The following CWC27 variants were observed in gnomAD, a reference collection of about 807,000 sequenced individuals.
The protein encoded by CWC27 is spliceosome-associated protein CWC27 homolog.
CWC27 carries 47 observed loss-of-function variants against 63.6 expected under a neutral mutation model. The ratio of observed to expected loss-of-function variants is 0.74; its 90% CI spans 0.58 to 0.94. The LOEUF is 0.94. Ranked by LOEUF, CWC27 falls within the 40% of genes least tolerant of loss-of-function variation. The pLI, the probability that CWC27 is intolerant of heterozygous loss-of-function variation, is 0.00. For missense variants in CWC27, 495 were observed against 554.3 expected (o/e 0.89, Z 1.07); for synonymous variants, 175 against 179.8 (o/e 0.97, Z 0.22).
At chr5:64,775,183 A>C (rs143200256) in intron 2 of CWC27, among the ~76,000 whole-genome samples, 74 of 152,274 alleles carry the variant, frequency 4.9e-4, no homozygotes, top group Non-Finnish European at 5.9e-4. Context: ...TTCTCTTCCT[A>C]GTACTAATTT....
At chr5:64,807,877 A>G (rs1744744149) in intron 10 of CWC27, 1 of 1,480,568 alleles carries the variant, frequency 6.8e-7, no homozygotes, top group African/African-American at 1.4e-5. Context: ...AAACCATTCC[A>G]TTTTATTTCC....
intron 7 of CWC27, among the ~76,000 whole-genome samples, chr5:64,793,781 C>A (rs527376020): frequency 1.1e-3 from 174 of 152,198 alleles, no homozygotes; most frequent in African/African-American, 4.1e-3. Flanking sequence ...TTTTCAGTGA[C>A]TGCACAGTAT....
Position 64,782,024 on chromosome 5 carries a change from G to T in CWC27, c.243G>T (p.Ala81=). 1.3e-6 allele frequency: 2 copies of T among 1,490,750 alleles called. No homozygotes were observed. The highest frequency in any genetic ancestry group is 1.8e-5 in the Admixed American group (1 of 56,304). The allele number at this position is 1,490,750 out of a possible 1,614,324, so 92.3% of individuals were successfully genotyped here. A position where few individuals can be genotyped will look rare whatever the true frequency, so the allele number is the denominator to read the frequency against. Residue 81 remains alanine (A), a synonymous_variant, in exon 3 of 14, where the codon GCG becomes GCT. Transcript: ENST00000381070. ...GTGGTGGAGAGTCTATCTATGGAGC[G>T]CCATTCAAAGTAAGACTGAATTATT... ...TGSGGESIYG[A]PFKDEFHSRL... is the part of the protein sequence containing the mutation.
At chr5:64,993,999 C>A (rs534176162) in intron 13 of CWC27, among the ~76,000 whole-genome samples, 1 of 152,040 alleles carries the variant, frequency 6.6e-6, no homozygotes, top group Non-Finnish European at 1.5e-5. Flanking sequence ...GTCTGTATTT[C>A]TTTAAAGGTA....
At chr5:65,015,142 A>C (rs1375054209) in intron 13 of CWC27, among the ~76,000 whole-genome samples, 3 of 152,036 alleles carry the variant, frequency 2.0e-5, no homozygotes, top group African/African-American at 7.3e-5. Context: ...ATGTGTCTAG[A>C]GTTCATTTTT....
Position 65,006,010 on chromosome 5 carries a change from T to C in CWC27, c.1257-12149T>C, listed in dbSNP as rs76571251. 3.8e-3 allele frequency among the ~76,000 whole-genome samples: 576 copies of C among 152,344 alleles called. 4 individuals are homozygous for C. The highest frequency in any genetic ancestry group is 6.6e-3 in the Non-Finnish European group (447 of 68,022). The stretch of plus-strand genomic sequence containing the variant: ...ATATTTAGTGTTAGTAATGTCATCA[T>C]TCTTTATATAGCTTGTTTTAATTAA... On this transcript the variant is annotated intron_variant, in intron 13 of 13. Transcript: ENST00000381070.
intron 13 of CWC27, among the ~76,000 whole-genome samples, chr5:64,980,662 CTCT>C (rs1255706691): frequency 1.3e-5 from 2 of 152,136 alleles, no homozygotes; most frequent in Non-Finnish European, 1.5e-5. Flanking sequence ...CTTCCTCTTT[CTCT>C]TCTTCTTTCT....
chr5:64,769,371 C>A (rs942886319), intron 1 of CWC27, among the ~76,000 whole-genome samples, 183 bp downstream of exon 1: 1 of 152,168 alleles, frequency 6.6e-6, no homozygotes, highest in Admixed American at 6.5e-5. Context: ...TCAGGATGTA[C>A]TTGAAGAAGT....
At chr5:64,773,386 A>C (rs1003837666) in intron 1 of CWC27, among the ~76,000 whole-genome samples, 6 of 152,012 alleles carry the variant, frequency 3.9e-5, no homozygotes, top group African/African-American at 1.5e-4. Context: ...GATTCTGTTT[A>C]TATGAAATGT....
rs747445047 is a variant in CWC27 at position 64,786,576 on chromosome 5, A to G, written c.548A>G (p.Lys183Arg). 1.9e-6 allele frequency: 3 copies of G among 1,594,774 alleles called. No homozygotes were observed. The highest frequency in any genetic ancestry group is 1.7e-4 in the Middle Eastern group (1 of 6,036). The change falls in exon 6 of 14, where the codon AAA becomes AGA. Residue 183 changes from lysine to arginine, a missense_variant. By Grantham distance (26) the Lys-to-Arg change is conservative. Coordinates refer to ENST00000381070, the MANE Select transcript of CWC27 (RefSeq NM_005869.4). ...ATTCCAAGGGAAATTAAAAGGCTGAAAAAAGAGAAACCAGAGGAGGAAGTA... is the reference window on the plus strand; with the variant it reads ...ATTCCAAGGGAAATTAAAAGGCTGAGAAAAGAGAAACCAGAGGAGGAAGTA... ...DIIPREIKRL[K>R]KEKPEEEVKK...
intron 11 of CWC27, among the ~76,000 whole-genome samples, chr5:64,941,428 CT>C (rs956587622): frequency 4.3e-4 from 66 of 152,002 alleles, no homozygotes; most frequent in South Asian, 4.1e-4. Context: ...TTCTTTGCTA[CT>C]TTTTTTATTC....
intron 10 of CWC27, 152 bp from the exon 11 acceptor site, chr5:64,885,291 A>G (rs3776054): frequency 0.33 from 154,181 of 460,956 alleles, 27,291 homozygotes; most frequent in East Asian, 0.49. Flanking sequence ...GTGTATTTCT[A>G]TAGCACAAGT....
intron 10 of CWC27, among the ~76,000 whole-genome samples, chr5:64,869,184 G>T (rs529276094): frequency 1.3e-5 from 2 of 151,928 alleles, no homozygotes; most frequent in Non-Finnish European, 2.9e-5. Flanking sequence ...TCTCATTTTG[G>T]TTTAATGAAG....
intron 13 of CWC27, among the ~76,000 whole-genome samples, chr5:65,003,827 G>A (rs1317030662): frequency 6.7e-6 from 1 of 148,826 alleles, no homozygotes; most frequent in Non-Finnish European, 1.5e-5. Context: ...TGTTTATAAA[G>A]TTCTCTATTT....
At chr5:64,973,199 C>T (rs933658293) in intron 12 of CWC27, among the ~76,000 whole-genome samples, 6 of 152,116 alleles carry the variant, frequency 3.9e-5, no homozygotes, top group East Asian at 3.8e-4. Context: ...AAAGTAAGTT[C>T]GTACAAGGTA....
At chr5:65,014,557 CT>C (rs1750018259) in intron 13 of CWC27, among the ~76,000 whole-genome samples, 1 of 151,778 alleles carries the variant, frequency 6.6e-6, no homozygotes, top group South Asian at 2.1e-4. Context: ...AAATTCACTA[CT>C]TTTTTTGGGC....
intron 7 of CWC27, among the ~76,000 whole-genome samples, chr5:64,790,337 C>T (rs1744032465): frequency 6.6e-6 from 1 of 152,114 alleles, no homozygotes; most frequent in Non-Finnish European, 1.5e-5. Context: ...ACTCTGTCAC[C>T]TCAATATCTG....
At chr5:64,932,527 C>T (rs555860406) in intron 11 of CWC27, among the ~76,000 whole-genome samples, 8 of 152,240 alleles carry the variant, frequency 5.3e-5, no homozygotes, top group African/African-American at 1.9e-4. Context: ...ATCACCACTT[C>T]CTTACTTGAC....
At chr5:64,981,976 A>G (rs906908906) in intron 13 of CWC27, among the ~76,000 whole-genome samples, 5 of 152,210 alleles carry the variant, frequency 3.3e-5, no homozygotes, top group African/African-American at 9.6e-5. Flanking sequence ...TTAAAAGTCA[A>G]TTTTAGCCAT....
Sources: allele counts gnomAD v4.1 joint callset (sites outside exome capture counted in the v4.1 genomes callset), GRCh38; gene constraint gnomAD v4.1.1; transcripts MANE v1.5; gene names NCBI Gene and HGNC (gene_info 2026-07-23, HGNC 2026-07-21).